CALN1: variants seen among roughly 807,000 people sequenced by gnomAD.
CALN1 encodes calneuron 1.
In CALN1, 17 loss-of-function variants were observed where a neutral mutation model predicts 30.6. That is an observed-to-expected ratio of 0.56 (90% CI 0.38 to 0.83). The LOEUF is 0.83. CALN1 is among the 40% of genes least tolerant of loss of function. The pLI is 0.00. For missense variants in CALN1, 291 were observed against 354.9 expected (o/e 0.82, Z 1.45); for synonymous variants, 156 against 131.4 (o/e 1.19, Z -1.28).
intron 1 of CALN1, among the ~76,000 whole-genome samples, chr7:72,427,787 T>G (rs1467979321): frequency 1.3e-5 from 2 of 152,004 alleles, no homozygotes; most frequent in Admixed American, 1.3e-4. Context: ...GGCTGCAGAG[T>G]GATCTTTTAA....
At chr7:72,250,148 CTA>C (rs1011846740) in intron 3 of CALN1, among the ~76,000 whole-genome samples, 2 of 152,182 alleles carry the variant, frequency 1.3e-5, no homozygotes, top group Admixed American at 1.3e-4. Context: ...CTGAAAAATT[CTA>C]TCTTAATGCA....
In CALN1 at chr7:71,784,788, C is replaced by T. The variant is rs962716130; in HGVS notation, c.*2987G>A. The T allele has an allele frequency of 9.5e-5, 38 of 398,566 alleles. No individual in the cohort carries two copies. The highest frequency in any genetic ancestry group is 6.3e-4 in the Middle Eastern group (1 of 1,590). The allele number at this position is 398,566 out of a possible 1,614,324, so 24.7% of individuals were successfully genotyped here. The stretch of plus-strand genomic sequence containing the variant: ...GTGAGCTATTCCCTCTCAATTCCTG[C>T]GGAAGTCACTTCCAGCTGGGGCTAC... On this transcript the variant is annotated 3_prime_UTR_variant, in exon 7 of 7. Coordinates refer to ENST00000395275, the MANE Select transcript of CALN1 (RefSeq NM_031468.4).
intron 2 of CALN1, chr7:72,336,608 C>T (rs1167837787): frequency 3.6e-6 from 3 of 843,938 alleles, no homozygotes; most frequent in Admixed American, 6.2e-5. Flanking sequence ...CGCGACAGCC[C>T]GGGGGTTTGG....
intron 3 of CALN1, among the ~76,000 whole-genome samples, chr7:72,205,652 A>C (rs994494602): frequency 1.4e-5 from 2 of 144,570 alleles, no homozygotes; most frequent in Admixed American, 1.4e-4. Flanking sequence ...CTGGTTTATA[A>C]CGTTTTCCTT....
intron 3 of CALN1, among the ~76,000 whole-genome samples, chr7:72,244,611 A>G (rs1322990299): frequency 3.3e-5 from 5 of 150,882 alleles, no homozygotes; most frequent in Non-Finnish European, 7.4e-5. Context: ...AATGAATTTC[A>G]TCTAGCTGTA....
intron 2 of CALN1, among the ~76,000 whole-genome samples, chr7:72,374,455 G>A (rs1804423416): frequency 3.3e-5 from 5 of 151,116 alleles, no homozygotes; most frequent in Admixed American, 3.3e-4. Flanking sequence ...CTTGAACCTG[G>A]GGGAGGCAGA....
intron 3 of CALN1, among the ~76,000 whole-genome samples, chr7:72,158,546 A>T (rs886506992): frequency 2.0e-5 from 3 of 152,170 alleles, no homozygotes; most frequent in African/African-American, 7.2e-5. Context: ...TACAGTGTGG[A>T]GAAGTGACCC....
upstream of CALN1, among the ~76,000 whole-genome samples, chr7:72,448,561 G>A (rs1808590671): frequency 6.6e-6 from 1 of 151,960 alleles, no homozygotes; most frequent in African/African-American, 2.4e-5. Context: ...ACACTATGGA[G>A]TCGGTTTTTC....
chr7:72,243,380 T>C (rs941181689), intron 3 of CALN1, among the ~76,000 whole-genome samples: 6 of 152,240 alleles, frequency 3.9e-5, no homozygotes, highest in African/African-American at 9.6e-5. Context: ...GGCATTTCTA[T>C]AGCAGCCCAA....
At chr7:72,092,805 A>G (rs1805963327) in intron 4 of CALN1, among the ~76,000 whole-genome samples, 1 of 152,104 alleles carries the variant, frequency 6.6e-6, no homozygotes, top group African/African-American at 2.4e-5. Flanking sequence ...ATGTGAATAG[A>G]AGTGACAAAA....
chr7:72,084,133 T>C (rs1337926258), intron 4 of CALN1, among the ~76,000 whole-genome samples: 1 of 151,982 alleles, frequency 6.6e-6, no homozygotes, highest in Non-Finnish European at 1.5e-5. Context: ...CGCTTGAACC[T>C]GGGAGGCAGA....
intron 2 of CALN1, among the ~76,000 whole-genome samples, chr7:72,304,062 G>A (rs1016548456): frequency 1.3e-5 from 2 of 152,262 alleles, no homozygotes; most frequent in Middle Eastern, 3.4e-3. Context: ...CAGTAATACA[G>A]AAGACAAGCT....
In CALN1 at chr7:71,946,363, CTTTCT is replaced by C. The variant is rs1355433706; in HGVS notation, c.501+77289_501+77293del. On this transcript the variant is annotated intron_variant, in intron 5 of 6. Transcript: ENST00000395275. ...TACATCTAGCGGGTTCCATTTCTTT[CTTTCT>C]TTTTTTTTTTTTTTTTTGAGACAGG... Among the ~76,000 whole-genome samples the C allele has an allele frequency of 7.4e-5, 10 of 135,448 alleles. 1 individual carries two copies. In the South Asian group the frequency reaches 1.2e-3, roughly 16 times the overall value. The allele number at this position is 135,448 out of a possible 152,430, so 88.9% of individuals were successfully genotyped here.
intron 3 of CALN1, among the ~76,000 whole-genome samples, chr7:72,242,450 T>G (rs1349170243): frequency 6.6e-6 from 1 of 152,170 alleles, no homozygotes; most frequent in Admixed American, 6.6e-5. Flanking sequence ...ACTCATTATT[T>G]TTTGTACACG....
intron 1 of CALN1, among the ~76,000 whole-genome samples, chr7:72,419,189 A>G (rs1464578018): frequency 6.6e-6 from 1 of 152,146 alleles, no homozygotes; most frequent in Non-Finnish European, 1.5e-5. Flanking sequence ...AAAGCATCAC[A>G]GTTCTCACCC....
At chr7:71,909,441 TAA>T (rs998618878) in intron 5 of CALN1, among the ~76,000 whole-genome samples, 2 of 145,254 alleles carry the variant, frequency 1.4e-5, no homozygotes, top group African/African-American at 2.5e-5. Context: ...ACTTACTGGT[TAA>T]AAAAAAAAAG....
chr7:72,080,765 C>G (rs1805082200), intron 4 of CALN1, among the ~76,000 whole-genome samples: 1 of 152,112 alleles, frequency 6.6e-6, no homozygotes, highest in African/African-American at 2.4e-5. Context: ...GGCAGAGGTA[C>G]CTGGAATGGG....
At chr7:71,972,727 A>G (rs1284440701) in intron 5 of CALN1, among the ~76,000 whole-genome samples, 1 of 152,128 alleles carries the variant, frequency 6.6e-6, no homozygotes, top group African/African-American at 2.4e-5. Context: ...TGCGTGCTTC[A>G]TTCACACGTG....
chr7:72,123,716 T>A (rs1337415583), intron 3 of CALN1, among the ~76,000 whole-genome samples: 1 of 152,286 alleles, frequency 6.6e-6, no homozygotes, highest in East Asian at 1.9e-4. Context: ...TTTCAGTCCA[T>A]TTGGCCTTCC....
Sources: allele counts gnomAD v4.1 joint callset (sites outside exome capture counted in the v4.1 genomes callset), GRCh38; gene constraint gnomAD v4.1.1; transcripts MANE v1.5; gene names NCBI Gene and HGNC (gene_info 2026-07-23, HGNC 2026-07-21).